FRG2C: variants seen among roughly 807,000 people sequenced by gnomAD.
FRG2C encodes protein FRG2-like-2.
A neutral mutation model predicts 14.1 loss-of-function variants in FRG2C; 8 were observed. The observed-to-expected ratio is 0.57, with a 90% confidence interval of 0.33 to 1.02. The LOEUF is 1.02. Ranked by LOEUF, FRG2C falls within the 50% of genes least tolerant of loss-of-function variation. The pLI is 0.03. For missense variants in FRG2C, 214 were observed against 334.2 expected, an observed-to-expected ratio of 0.64 and a Z score of 2.80; for synonymous variants, 92 against 127.4, an observed-to-expected ratio of 0.72 and a Z score of 1.87.
chr3:75,665,215 GTGTT>G lies in FRG2C; in HGVS notation c.334+17_334+20del, dbSNP rs1937053142. 8.7e-6 allele frequency: 14 copies of G among 1,613,840 alleles called. No homozygotes were observed. The South Asian group carries it at 1.5e-4, about 18-fold the overall frequency. On this transcript the variant is annotated intron_variant, in intron 3 of 3. Coordinates refer to ENST00000308062, the MANE Select transcript of FRG2C (RefSeq NM_001124759.5). ...CCAAGACAGAGCAGGTAGAATCTTG[GTGTT>G]TGTTGTTGTTGGTGGTGGTGGTGGT... is the stretch of plus-strand genomic sequence containing the variant.
intron 2 of FRG2C, 53 bp from the exon 3 acceptor site, chr3:75,665,073 A>T: frequency 6.2e-7 from 1 of 1,604,632 alleles, no homozygotes. Context: ...TGGACTAGGA[A>T]TTTCAGGGTG....
In FRG2C at chr3:75,664,508, A is replaced by G; in HGVS notation, c.129A>G (p.Lys43=). ...GSDEKKPFKG[K]GKTAFSHSSE... ...ATGAGAAGAAACCATTCAAAGGAAA[A>G]GGCAAGACCGCCTTCTCCCATTCCA... Residue 43 remains lysine (K), a synonymous_variant, in exon 1 of 4, where the codon AAA becomes AAG. Transcript: ENST00000308062. The G allele has an allele frequency of 6.2e-7, 1 of 1,613,752 alleles. No individual in the cohort carries two copies. The highest frequency in any genetic ancestry group is 8.5e-7 in the Non-Finnish European group (1 of 1,179,892).
intron 1 of FRG2C, 23 bp from the exon 2 acceptor site, chr3:75,664,796 G>A: frequency 1.2e-6 from 2 of 1,614,158 alleles, no homozygotes; most frequent in African/African-American, 1.3e-5. Flanking sequence ...GGAGAGGTGA[G>A]CCATCTAAAC....
chr3:75,664,695 A>C, intron 1 of FRG2C, 124 bp from the exon 2 acceptor site: 1 of 1,607,754 alleles, frequency 6.2e-7, no homozygotes, highest in East Asian at 2.2e-5. Context: ...ACTTTGAGAA[A>C]TGTGTTCACT....
Position 75,664,338 on chromosome 3 carries a change from T to G in FRG2C, c.-42T>G. ...CTAGCAGACTAACCCACACTCTGCC[T>G]TTGGACATGTGAGAGAGCGCACCTT... On this transcript the variant is annotated 5_prime_UTR_variant, in exon 1 of 4. Transcript: ENST00000308062. 6.2e-7 allele frequency: 1 copy of G among 1,612,060 alleles called. No homozygotes were observed. Among genetic ancestry groups the G allele is most frequent in the South Asian group, 1.1e-5 (1 of 90,994 alleles).
At position 75,665,742 on chromosome 3, in the gene FRG2C, T is replaced by C; in HGVS notation, c.550T>C (p.Ser184Pro). The C allele has an allele frequency of 6.2e-7, 1 of 1,614,090 alleles. No individual in the cohort carries two copies. Among genetic ancestry groups the C allele is most frequent in the Admixed American group, 1.7e-5 (1 of 60,028 alleles). The change falls in exon 4 of 4, where the codon TCG (serine) becomes CCG (proline). Residue 184 changes from serine to proline, a missense_variant. Ser to Pro is a moderately conservative substitution (Grantham distance 74). Around this residue, in one of 3 missense-constraint regions of FRG2C, gnomAD observed 136 missense variants for 148.1 expected, o/e 0.92. Transcript: ENST00000308062. Reference protein sequence around the residue: ...KSLVTSVRAMSEAVYQDLAQV... With the variant: ...KSLVTSVRAMPEAVYQDLAQV... ...CTTGGTGACCTCTGTGCGAGCTATG[T>C]CGGAGGCTGTTTATCAAGACCTAGC... is the stretch of plus-strand genomic sequence containing the variant.
At position 75,664,348 on chromosome 3, in the gene FRG2C, T is replaced by C. The variant is rs1937022106; in HGVS notation, c.-32T>C. The C allele has an allele frequency of 6.2e-7, 1 of 1,612,120 alleles. No homozygotes were observed. Among genetic ancestry groups the C allele is most frequent in the Non-Finnish European group, 8.5e-7 (1 of 1,179,882 alleles). ...AACCCACACTCTGCCTTTGGACATGTGAGAGAGCGCACCTTTCACTTGAGC... is the reference window on the plus strand; with the variant it reads ...AACCCACACTCTGCCTTTGGACATGCGAGAGAGCGCACCTTTCACTTGAGC... On this transcript the variant is annotated 5_prime_UTR_variant, in exon 1 of 4. The change abolishes the stop of an existing upstream ORF in the 5' untranslated region. Transcript: ENST00000308062.
rs1373450768 is a variant in FRG2C, at chr3:75,665,193, A to C, written c.324A>C (p.Gln108His). Reference sequence around the variant, plus strand: ...AAATCAGTTCCAAGGATATCTGCCAAGACAGAGCAGGTAGAATCTTGGTGT... The same window carrying C: ...AAATCAGTTCCAAGGATATCTGCCACGACAGAGCAGGTAGAATCTTGGTGT... ...KRKISSKDIC[Q>H]DRAGNCPEEE... Residue 108 changes from glutamine (Q) to histidine (H), a missense_variant, in exon 3 of 4, where the codon CAA becomes CAC. Gln to His is a conservative substitution (Grantham distance 24). Around this residue, in one of 3 missense-constraint regions of FRG2C, gnomAD observed 136 missense variants for 148.1 expected, o/e 0.92. Transcript: ENST00000308062. The C allele has an allele frequency of 1.9e-4, 309 of 1,614,094 alleles. No individual in the cohort carries two copies. In the East Asian group the frequency reaches 6.8e-3, roughly 36 times the overall value.
chr3:75,665,576 A>G lies in FRG2C; in HGVS notation c.384A>G (p.Arg128=). 6.2e-7 allele frequency: 1 copy of G among 1,613,972 alleles called. No homozygotes were observed. The highest frequency in any genetic ancestry group is 1.1e-5 in the South Asian group (1 of 91,084). ...ECNLTLNKKS[R]SSTAVHNSEI... ...ACTTGACGTTGAATAAAAAATCAAG[A>G]TCCTCCACTGCTGTGCACAACAGTG... Residue 128 remains arginine (R), a synonymous_variant, in exon 4 of 4, where the codon AGA becomes AGG. Coordinates refer to ENST00000308062, the MANE Select transcript of FRG2C (RefSeq NM_001124759.5).
At chr3:75,665,439 A>C (rs1937064219) in intron 3 of FRG2C, 88 bp from the exon 4 acceptor site, 4 of 1,549,376 alleles carry the variant, frequency 2.6e-6, no homozygotes, top group Non-Finnish European at 3.5e-6. Flanking sequence ...GGAGAGACAA[A>C]TGGGGTTCAC....
chr3:75,665,538 G>C lies in FRG2C; in HGVS notation c.346G>C (p.Glu116Gln), dbSNP rs1235569682. The C allele has an allele frequency of 6.2e-7, 1 of 1,613,644 alleles. No homozygotes were observed. The highest frequency in any genetic ancestry group is 1.3e-5 in the African/African-American group (1 of 74,906). ...TGCTTTCTTTGCAGGGAACTGTCCA[G>C]AAGAGGAGTGCAACTTGACGTTGAA... Reference protein sequence around the residue: ...ICQDRAGNCPEEECNLTLNKK... With the variant: ...ICQDRAGNCPQEECNLTLNKK... The change falls in exon 4 of 4, where the codon GAA becomes CAA. Residue 116 changes from glutamate to glutamine, a missense_variant. Physicochemically the swap from Glu to Gln is conservative, Grantham distance 29. Around this residue, in one of 3 missense-constraint regions of FRG2C, gnomAD observed 136 missense variants for 148.1 expected, o/e 0.92. Transcript: ENST00000308062.
At position 75,664,889 on chromosome 3, in the gene FRG2C, T is replaced by C. The variant is rs1937044449; in HGVS notation, c.249T>C (p.Ala83=). 1.4e-5 allele frequency: 22 copies of C among 1,614,284 alleles called. No individual in the cohort carries two copies. In the East Asian group the frequency reaches 3.3e-4, roughly 25 times the overall value. Residue 83 remains alanine, a synonymous_variant, in exon 2 of 4, where the codon GCT becomes GCC. Coordinates refer to ENST00000308062, the MANE Select transcript of FRG2C (RefSeq NM_001124759.5). ...ETKLKAGNST[A]GSEPESSSYQ... ...AGCTCAAGGCCGGGAACAGCACTGC[T>C]GGATCAGGTAAGATTTGACTCTTTC...
rs1191103061 is a variant in FRG2C at position 75,665,482 on chromosome 3, C to A, written c.335-45C>A. 2.0e-5 allele frequency: 32 copies of A among 1,586,720 alleles called. No homozygotes were observed. The East Asian group carries it at 6.9e-4, about 34-fold the overall frequency. On this transcript the variant is annotated intron_variant, in intron 3 of 3. Coordinates refer to ENST00000308062, the MANE Select transcript of FRG2C (RefSeq NM_001124759.5). ...CACAGGGGGTTCTGGAAATGAGGGT[C>A]TGTGGGGACTGCTCTGGTGAGTCTC...
Position 75,664,450 on chromosome 3 carries a change from T to A in FRG2C, c.71T>A (p.Phe24Tyr). The A allele has an allele frequency of 3.1e-6, 5 of 1,612,388 alleles. No homozygotes were observed. The highest frequency in any genetic ancestry group is 4.2e-6 in the Non-Finnish European group (5 of 1,179,884). The change falls in exon 1 of 4, where the codon TTC becomes TAC. Residue 24 changes from phenylalanine (F) to tyrosine (Y), a missense_variant. Physicochemically the swap from Phe to Tyr is conservative, Grantham distance 22 (BLOSUM62 3). Coordinates refer to ENST00000308062, the MANE Select transcript of FRG2C (RefSeq NM_001124759.5). ...CAGTGCTCCACTGACCAGCCCCCTTTCCAACAGATCTCCTTTACAGAAAAG... is the reference window on the plus strand; with the variant it reads ...CAGTGCTCCACTGACCAGCCCCCTTACCAACAGATCTCCTTTACAGAAAAG... ...SIQCSTDQPP[F>Y]QQISFTEKGS... is the part of the protein sequence containing the mutation.
intron 2 of FRG2C, 79 bp downstream of exon 2, chr3:75,664,975 T>C: frequency 6.2e-7 from 1 of 1,613,110 alleles, no homozygotes; most frequent in Non-Finnish European, 8.5e-7. Context: ...GGGAGCTCCT[T>C]GGCAGCCAGG....
At position 75,664,825 on chromosome 3, in the gene FRG2C, C is replaced by T. The variant is rs377681226; in HGVS notation, c.185C>T (p.Ser62Leu). The change falls in exon 2 of 4, where the codon TCA becomes TTA. Residue 62 changes from serine (S) to leucine (L), a missense_variant. Coordinates refer to ENST00000308062, the MANE Select transcript of FRG2C (RefSeq NM_001124759.5). ...TCTAAACCTTCTCTTGCAGCAGGATCAGATCCCAATCCAAACAAGGAGAAT... is the reference window on the plus strand; with the variant it reads ...TCTAAACCTTCTCTTGCAGCAGGATTAGATCCCAATCCAAACAAGGAGAAT... ...SEKHTQRQAG[S>L]DPNPNKENSE... is the part of the protein sequence containing the mutation. The T allele has an allele frequency of 5.8e-5, 94 of 1,614,082 alleles. No individual in the cohort carries two copies. Among genetic ancestry groups the T allele is most frequent in the Non-Finnish European group, 7.8e-5 (92 of 1,180,048 alleles).
Position 75,666,932 on chromosome 3 carries a change from A to T in FRG2C, c.*891A>T, listed in dbSNP as rs1211805555. 6.6e-6 allele frequency: 1 copy of T among 152,376 alleles called. No individual in the cohort carries two copies. The highest frequency in any genetic ancestry group is 6.5e-5 in the Admixed American group (1 of 15,294). The allele number at this position is 152,376 out of a possible 1,614,324, so 9.4% of individuals were successfully genotyped here. On this transcript the variant is annotated 3_prime_UTR_variant, in exon 4 of 4. Coordinates refer to ENST00000308062, the MANE Select transcript of FRG2C (RefSeq NM_001124759.5). ...TTTTATTTCATTTTAAACATCCTGA[A>T]TTTATATTTTATTGTATTTCATACA... is the stretch of plus-strand genomic sequence containing the variant.
Position 75,666,350 on chromosome 3 carries a change from T to G in FRG2C, c.*309T>G, listed in dbSNP as rs1411068297. On this transcript the variant is annotated 3_prime_UTR_variant, in exon 4 of 4. Transcript: ENST00000308062. ...TAGGTTGCAATCGTGAATTTTCATATTTTAGATTGTAGAAAAGTAAATATA... is the reference window on the plus strand; with the variant it reads ...TAGGTTGCAATCGTGAATTTTCATAGTTTAGATTGTAGAAAAGTAAATATA... The G allele has an allele frequency of 1.9e-6, 1 of 537,978 alleles. No homozygotes were observed. The highest frequency in any genetic ancestry group is 3.4e-5 in the East Asian group (1 of 29,226). 33.3% of individuals were successfully genotyped at this position (537,978 alleles called of 1,614,324 possible). A position where few individuals can be genotyped will look rare whatever the true frequency, so the allele number is the denominator to read the frequency against.
Position 75,665,657 on chromosome 3 carries a change from G to A in FRG2C, c.465G>A (p.Gly155=), listed in dbSNP as rs1402637144. The part of the protein sequence containing the change: ...HHRGSSRACT[G]RSKRHRSRAL... Reference sequence around the variant, plus strand: ...GGGGAAGTTCCAGGGCTTGCACTGGGCGCAGCAAGCGGCATAGGTCTCGGG... The same window carrying A: ...GGGGAAGTTCCAGGGCTTGCACTGGACGCAGCAAGCGGCATAGGTCTCGGG... Residue 155 remains glycine, a synonymous_variant, in exon 4 of 4, where the codon GGG becomes GGA. Coordinates refer to ENST00000308062, the MANE Select transcript of FRG2C (RefSeq NM_001124759.5). The A allele has an allele frequency of 1.1e-5, 18 of 1,613,930 alleles. No individual in the cohort carries two copies. In the African/African-American group the frequency reaches 2.1e-4, roughly 19 times the overall value.
Sources: gnomAD v4.1 joint callset for allele counts on GRCh38, gnomAD v4.1.1 for gene constraint, gnomAD v4.1.1 regional missense constraint, MANE v1.5 for transcripts, NCBI Gene and HGNC (gene_info 2026-07-23, HGNC 2026-07-21) for gene names.